LRRC4C: variants seen among roughly 807,000 people sequenced by gnomAD.
The protein encoded by LRRC4C is leucine rich repeat containing 4C.
A neutral mutation model predicts 33.6 loss-of-function variants in LRRC4C; 5 were observed. The ratio of observed to expected loss-of-function variants is 0.15; its 90% CI spans 0.08 to 0.31. The LOEUF (loss-of-function observed/expected upper bound fraction) is 0.31. Ranked by LOEUF, LRRC4C falls within the 10% of genes least tolerant of loss-of-function variation. The pLI is 1.00. For synonymous variants in LRRC4C, 329 were observed against 302.0 expected (o/e 1.09, Z -0.93); for missense variants, 560 against 796.7 (o/e 0.70, Z 3.58).
At chr11:40,641,480 G>A (rs1472306) in intron 3 of LRRC4C, among the ~76,000 whole-genome samples, 126,878 of 152,104 alleles carry the variant, frequency 0.83, 53,332 homozygotes, top group African/African-American at 0.94. Flanking sequence ...ACGGAATAAA[G>A]ATCAGAATTT....
At chr11:40,292,561 C>G (rs1034711642) in intron 4 of LRRC4C, 2 of 150,634 alleles carry the variant, frequency 1.3e-5, no homozygotes, top group African/African-American at 4.9e-5. Flanking sequence ...CCAAAAATAT[C>G]TCCTTGGCTC....
At chr11:40,608,009 T>C (rs1960807232) in intron 3 of LRRC4C, among the ~76,000 whole-genome samples, 1 of 152,042 alleles carries the variant, frequency 6.6e-6, no homozygotes, top group African/African-American at 2.4e-5. Context: ...GGAAAACCTT[T>C]CCCATTTCAA....
intron 1 of LRRC4C, among the ~76,000 whole-genome samples, chr11:40,947,389 G>T (rs963019309): frequency 6.6e-6 from 1 of 152,186 alleles, no homozygotes; most frequent in South Asian, 2.1e-4. Flanking sequence ...ATCCTTTCAG[G>T]TCTTGCTTTT....
intron 4 of LRRC4C, among the ~76,000 whole-genome samples, chr11:40,291,967 G>A (rs918661505): frequency 2.7e-5 from 4 of 150,738 alleles, no homozygotes; most frequent in South Asian, 2.1e-4. Context: ...TTGCAAAGGC[G>A]TCTGCCCAGG....
chr11:41,188,326 G>C (rs1406593550), intron 1 of LRRC4C, among the ~76,000 whole-genome samples: 1 of 152,020 alleles, frequency 6.6e-6, no homozygotes, highest in Non-Finnish European at 1.5e-5. Context: ...TCTCCTCTAA[G>C]TAAGCAACTA....
intron 5 of LRRC4C, among the ~76,000 whole-genome samples, chr11:40,188,787 G>A (rs184024468): frequency 6.6e-6 from 1 of 151,284 alleles, no homozygotes; most frequent in Non-Finnish European, 1.5e-5. Context: ...TTCCTGGAAA[G>A]AGGCTTTAAA....
intron 1 of LRRC4C, among the ~76,000 whole-genome samples, chr11:41,345,412 T>C (rs1185578317): frequency 3.3e-5 from 5 of 152,230 alleles, no homozygotes; most frequent in Admixed American, 3.3e-4. Context: ...AGGATGCTAA[T>C]TGATAAATGA....
At chr11:40,690,098 C>T (rs1172566640) in intron 2 of LRRC4C, among the ~76,000 whole-genome samples, 3 of 152,074 alleles carry the variant, frequency 2.0e-5, no homozygotes, top group African/African-American at 7.2e-5. Context: ...TTTCTGTGAA[C>T]TTCAAGCAAT....
chr11:40,356,493 T>G (rs1590422099), intron 3 of LRRC4C, among the ~76,000 whole-genome samples: 1 of 152,326 alleles, frequency 6.6e-6, no homozygotes, highest in East Asian at 1.9e-4. Flanking sequence ...TAGAAGGAAC[T>G]TCAATGTCTG....
chr11:40,597,661 A>T (rs1473664277), intron 3 of LRRC4C, among the ~76,000 whole-genome samples: 22 of 152,202 alleles, frequency 1.4e-4, no homozygotes, highest in Non-Finnish European at 1.5e-5. Flanking sequence ...TTATTAAAAG[A>T]ATACGGTGGA....
chr11:41,451,409 A>G (rs1260891016), intron 1 of LRRC4C, among the ~76,000 whole-genome samples: 7 of 152,068 alleles, frequency 4.6e-5, no homozygotes, highest in African/African-American at 1.7e-4. Context: ...ATTTATGTAT[A>G]TGGTGCTGGA....
intron 1 of LRRC4C, among the ~76,000 whole-genome samples, chr11:41,319,989 A>G (rs1207777033): frequency 1.3e-5 from 2 of 152,182 alleles, no homozygotes; most frequent in Non-Finnish European, 2.9e-5. Flanking sequence ...CAAGAGTAAA[A>G]TCATTTAAAA....
chr11:40,856,389 G>A (rs954319185), intron 2 of LRRC4C, among the ~76,000 whole-genome samples: 2 of 152,094 alleles, frequency 1.3e-5, no homozygotes, highest in African/African-American at 2.4e-5. Flanking sequence ...GTGGAAGTAC[G>A]TGGGTATGTT....
intron 2 of LRRC4C, among the ~76,000 whole-genome samples, chr11:40,926,609 T>C (rs1469579423): frequency 6.6e-6 from 1 of 152,170 alleles, no homozygotes; most frequent in African/African-American, 2.4e-5. Flanking sequence ...AAAAGGGTAT[T>C]CACAATGAAT....
intron 3 of LRRC4C, among the ~76,000 whole-genome samples, chr11:40,331,482 G>T (rs921529446): frequency 1.3e-5 from 2 of 152,132 alleles, no homozygotes; most frequent in African/African-American, 4.8e-5. Context: ...CTATAAAAAA[G>T]AATGAAATAC....
intron 3 of LRRC4C, among the ~76,000 whole-genome samples, chr11:40,489,388 C>T (rs1954031676): frequency 6.6e-6 from 1 of 151,980 alleles, no homozygotes; most frequent in South Asian, 2.1e-4. Flanking sequence ...TTTAGATGAC[C>T]ACTTTCATAA....
chr11:40,978,624 G>GT (rs80021460), intron 1 of LRRC4C, among the ~76,000 whole-genome samples: 14,447 of 138,146 alleles, frequency 0.1, 796 homozygotes, highest in South Asian at 0.18. Flanking sequence ...TCTTTTTACT[G>GT]TTTTTTTTTT....
intron 3 of LRRC4C, among the ~76,000 whole-genome samples, chr11:40,628,405 G>C (rs980232187): frequency 1.3e-5 from 2 of 152,138 alleles, no homozygotes; most frequent in African/African-American, 4.8e-5. Flanking sequence ...GTGAACCCGG[G>C]AGGCAGAGCT....
chr11:40,921,263 T>C (rs1258320454), intron 2 of LRRC4C, among the ~76,000 whole-genome samples: 1 of 151,930 alleles, frequency 6.6e-6, no homozygotes, highest in Non-Finnish European at 1.5e-5. Flanking sequence ...GGCAGAAAAG[T>C]GGGTCAGAGA....
Sources: gnomAD v4.1 joint callset for allele counts (sites outside exome capture counted in the v4.1 genomes callset) on GRCh38, gnomAD v4.1.1 for gene constraint, MANE v1.5 for transcripts, NCBI Gene and HGNC (gene_info 2026-07-23, HGNC 2026-07-21) for gene names.